The following ARHGEF7 variants were observed in gnomAD, a reference collection of about 807,000 sequenced individuals.
ARHGEF7 encodes the protein PAK-interacting exchange factor beta.
In ARHGEF7, 33 loss-of-function variants were observed where a neutral mutation model predicts 109.8. The observed-to-expected ratio is 0.30, with a 90% confidence interval of 0.23 to 0.40. ARHGEF7 has a LOEUF of 0.40. Among genes scored for constraint, ARHGEF7 ranks in the 10% least tolerant of loss-of-function variants. The probability of loss-of-function intolerance (pLI) is 1.00; values close to 1 mark genes in which losing one functional copy is unlikely to be tolerated. For missense variants in ARHGEF7, 938 were observed against 1,098.5 expected (o/e 0.85, Z 2.07); for synonymous variants, 458 against 424.6 (o/e 1.08, Z -0.97).
At chr13:111,147,987 G>A (rs964664452) in intron 1 of ARHGEF7, among the ~76,000 whole-genome samples, 3 of 152,076 alleles carry the variant, frequency 2.0e-5, no homozygotes, top group East Asian at 3.9e-4. Flanking sequence ...GTGAGCCACC[G>A]TGCCCAGCCG....
rs536648342 is a variant in ARHGEF7, at chr13:111,253,200, T to C, written c.950+8906T>C. Among the ~76,000 whole-genome samples, 7 of 152,388 alleles carry C rather than the reference T, an allele frequency of 4.6e-5. No homozygotes were observed. In the East Asian group the frequency reaches 1.3e-3, roughly 29 times the overall value. ...GTGTCGGAGAATTCCCTGTACTACATGATTTACTGTAGACCCTGTTACAGT... is the reference window on the plus strand; with the variant it reads ...GTGTCGGAGAATTCCCTGTACTACACGATTTACTGTAGACCCTGTTACAGT... On this transcript the variant is annotated intron_variant, in intron 8 of 21. Coordinates refer to ENST00000646102, the MANE Select transcript of ARHGEF7 (RefSeq NM_001354046.2).
chr13:111,211,362 GCTGTCTCA>G (rs1423807013), intron 4 of ARHGEF7, among the ~76,000 whole-genome samples: 1 of 152,168 alleles, frequency 6.6e-6, no homozygotes. Context: ...GCTGTGATTT[GCTGTCTCA>G]CCCGTTCACT....
At chr13:111,219,006 T>C (rs1411375950) in intron 5 of ARHGEF7, among the ~76,000 whole-genome samples, 1 of 152,228 alleles carries the variant, frequency 6.6e-6, no homozygotes, top group Non-Finnish European at 1.5e-5. Flanking sequence ...CCTGTTCTTA[T>C]TGTATGTATA....
At chr13:111,246,655 G>A (rs2088899381) in intron 8 of ARHGEF7, among the ~76,000 whole-genome samples, 1 of 152,212 alleles carries the variant, frequency 6.6e-6, no homozygotes, top group South Asian at 2.1e-4. Flanking sequence ...TTTGCATAAA[G>A]TGGCATTACT....
chr13:111,293,285 G>T (rs2093345162), intron 19 of ARHGEF7: 30 of 985,182 alleles, frequency 3.0e-5, no homozygotes, highest in Non-Finnish European at 3.6e-5. Context: ...ATGTTGTCTG[G>T]AAGAGCCATG....
At chr13:111,216,728 G>A (rs1319365385) in intron 4 of ARHGEF7, among the ~76,000 whole-genome samples, 2 of 152,204 alleles carry the variant, frequency 1.3e-5, no homozygotes, top group African/African-American at 2.4e-5. Context: ...GGGAAGAGGG[G>A]TGGGCCGGGG....
At chr13:111,293,502 A>G in intron 19 of ARHGEF7, 2 of 984,620 alleles carry the variant, frequency 2.0e-6, no homozygotes. Flanking sequence ...CACTGGCCTC[A>G]CTCAGACCAA....
intron 4 of ARHGEF7, among the ~76,000 whole-genome samples, chr13:111,213,840 G>C (rs1235714192): frequency 6.6e-6 from 1 of 152,196 alleles, no homozygotes; most frequent in African/African-American, 2.4e-5. Context: ...ATTTTAGGCT[G>C]AACGTGGTAG....
intron 2 of ARHGEF7, among the ~76,000 whole-genome samples, chr13:111,176,162 T>G (rs1383698604): frequency 6.6e-6 from 1 of 152,200 alleles, no homozygotes; most frequent in African/African-American, 2.4e-5. Flanking sequence ...ATGCTCTGCC[T>G]AGGACTCTGA....
At chr13:111,242,491 G>C (rs796740520) in intron 6 of ARHGEF7, among the ~76,000 whole-genome samples, 11 of 152,220 alleles carry the variant, frequency 7.2e-5, no homozygotes, top group Admixed American at 2.6e-4. Context: ...GAATAAGTGA[G>C]AATGTATTGT....
At chr13:111,203,167 C>A in intron 2 of ARHGEF7, 3 of 1,173,756 alleles carry the variant, frequency 2.6e-6, no homozygotes, top group Admixed American at 3.0e-5. Flanking sequence ...ACAAAATTGA[C>A]AAAATAAAAA....
At chr13:111,207,446 G>T (rs185204293) in intron 3 of ARHGEF7, among the ~76,000 whole-genome samples, 27 of 152,240 alleles carry the variant, frequency 1.8e-4, no homozygotes, top group Non-Finnish European at 5.9e-5. Flanking sequence ...GAGATTACAG[G>T]CTTATGCCAC....
chr13:111,153,858 T>G, intron 1 of ARHGEF7, 47 bp from the exon 2 acceptor site: 1 of 1,575,010 alleles, frequency 6.3e-7, no homozygotes, highest in Non-Finnish European at 8.6e-7. Flanking sequence ...GTCCGCGGCG[T>G]CCCCGCTGCC....
At chr13:111,253,611 T>C (rs1447187227) in intron 8 of ARHGEF7, among the ~76,000 whole-genome samples, 1 of 152,194 alleles carries the variant, frequency 6.6e-6, no homozygotes, top group Non-Finnish European at 1.5e-5. Flanking sequence ...TGTTCCCGTC[T>C]CAGATGTACA....
At chr13:111,167,130 A>T (rs1473947489) in intron 2 of ARHGEF7, among the ~76,000 whole-genome samples, 4 of 152,192 alleles carry the variant, frequency 2.6e-5, no homozygotes, top group Non-Finnish European at 5.9e-5. Flanking sequence ...GCAGTCATTC[A>T]GTGCGAGGGT....
chr13:111,158,485 C>G (rs1201626430), intron 2 of ARHGEF7, among the ~76,000 whole-genome samples: 1 of 152,222 alleles, frequency 6.6e-6, no homozygotes, highest in African/African-American at 2.4e-5. Context: ...CTTGGCACTG[C>G]AACTAATACT....
rs182516126 is a variant in ARHGEF7, at chr13:111,186,218, G to A, written c.253-19071G>A. ...TGGGAAGAGCCCTGCCTGCCTTCCCGTTGCTGTGCTCCTGCCTCCCTGCTC... is the reference window on the plus strand; with the variant it reads ...TGGGAAGAGCCCTGCCTGCCTTCCCATTGCTGTGCTCCTGCCTCCCTGCTC... On this transcript the variant is annotated intron_variant, in intron 2 of 21. Coordinates refer to ENST00000646102, the MANE Select transcript of ARHGEF7 (RefSeq NM_001354046.2). Among the ~76,000 whole-genome samples the A allele has an allele frequency of 1.9e-4, 29 of 152,216 alleles. No individual in the cohort carries two copies. The East Asian group carries it at 3.7e-3, about 19-fold the overall frequency.
At position 111,212,369 on chromosome 13, in the gene ARHGEF7, C is replaced by T. The variant is rs11843087; in HGVS notation, c.468+2367C>T. ...CCTCGGTGGTGAAGAATGTGGTAGG[C>T]GCCAGTTGTAGATTTAGGTATGGTT... On this transcript the variant is annotated intron_variant, in intron 4 of 21. Transcript: ENST00000646102. 6.1e-3 allele frequency among the ~76,000 whole-genome samples: 929 copies of T among 151,846 alleles called. 5 individuals are homozygous for T. The highest frequency in any genetic ancestry group is 0.021 in the African/African-American group (883 of 41,386).
In ARHGEF7 at chr13:111,204,420, C is replaced by A. The variant is rs117816189; in HGVS notation, c.253-869C>A. On this transcript the variant is annotated intron_variant, in intron 2 of 21. Coordinates refer to ENST00000646102, the MANE Select transcript of ARHGEF7 (RefSeq NM_001354046.2). ...AATTTTTCTGGAACATAGTTGTGGA[C>A]GATTTGACTGTTTATCTTTGCTTGA... Among the ~76,000 whole-genome samples, 460 of 152,274 alleles carry A rather than the reference C, an allele frequency of 3.0e-3. 1 individual carries two copies. Among genetic ancestry groups the A allele is most frequent in the South Asian group, 0.011 (52 of 4,828 alleles).
Sources: allele counts gnomAD v4.1 joint callset (sites outside exome capture counted in the v4.1 genomes callset), GRCh38; gene constraint gnomAD v4.1.1; transcripts MANE v1.5; gene names NCBI Gene and HGNC (gene_info 2026-07-23, HGNC 2026-07-21).